Variants in FBLN2 observed in about 807,000 individuals in gnomAD.
FBLN2 encodes the protein fibulin-2.
Under a neutral mutation model 123.7 loss-of-function variants are expected in FBLN2, and 81 were observed. That is an observed-to-expected ratio of 0.65 (90% confidence interval 0.55 to 0.79). The LOEUF is 0.79. Ranked by LOEUF, FBLN2 falls within the 30% of genes least tolerant of loss-of-function variation. The pLI is 0.00. For synonymous variants in FBLN2, 699 were observed against 701.4 expected (o/e 1.00, Z 0.05); for missense variants, 1,603 against 1,681.3 (o/e 0.95, Z 0.81).
In FBLN2 at chr3:13,571,725, C is replaced by T. The variant is rs1012208987; in HGVS notation, c.1306+64C>T. 37 of 1,460,622 alleles carry T rather than the reference C, an allele frequency of 2.5e-5. No individual in the cohort carries two copies. In the African/African-American group the frequency reaches 3.4e-4, roughly 14 times the overall value. The allele number at this position is 1,460,622 out of a possible 1,614,324, so 90.5% of individuals were successfully genotyped here. A position where few individuals can be genotyped will look rare whatever the true frequency, so the allele number is the denominator to read the frequency against. On this transcript the variant is annotated intron_variant, in intron 2 of 17. Transcript: ENST00000404922. ...GGGAAGGGCAGCCTTGGGCTCTGGC[C>T]GCTGCCCCAGGTCTCTGCCTGGGGC...
chr3:13,559,974 G>T (rs1703563076), intron 1 of FBLN2, among the ~76,000 whole-genome samples: 1 of 152,206 alleles, frequency 6.6e-6, no homozygotes, highest in Admixed American at 6.5e-5. Context: ...GGTGATCTCA[G>T]CCTTGGCCGT....
At chr3:13,629,359 A>T in intron 13 of FBLN2, 67 bp downstream of exon 13, 1 of 1,501,680 alleles carries the variant, frequency 6.7e-7, no homozygotes, top group South Asian at 1.3e-5. Flanking sequence ...TGTGCACTCC[A>T]CCTCCCCATG....
rs371059687 is a variant in FBLN2, at chr3:13,571,067, C to T, written c.712C>T (p.Pro238Ser). The part of the protein sequence containing the change: ...PPAALGGGSQ[P>S]LSTIQAPPWP... ...AGCTGCTCTGGGAGGTGGGAGTCAG[C>T]CACTGTCCACCATCCAGGCACCCCC... The change falls in exon 2 of 18, where the codon CCA becomes TCA. Residue 238 changes from proline to serine, a missense_variant. Pro to Ser is a moderately conservative substitution (Grantham distance 74). Transcript: ENST00000404922. 21 of 1,556,182 alleles carry T rather than the reference C, an allele frequency of 1.3e-5. No individual in the cohort carries two copies. The highest frequency in any genetic ancestry group is 1.8e-5 in the Non-Finnish European group (21 of 1,150,610).
chr3:13,609,753 T>C (rs1366378618), intron 4 of FBLN2, 111 bp downstream of exon 4: 1 of 1,301,788 alleles, frequency 7.7e-7, no homozygotes, highest in Non-Finnish European at 1.1e-6. Flanking sequence ...TTGGGGCTCC[T>C]CCTGGGAGTG....
chr3:13,580,600 G>T (rs1216307300), intron 2 of FBLN2, among the ~76,000 whole-genome samples: 1 of 152,178 alleles, frequency 6.6e-6, no homozygotes, highest in Non-Finnish European at 1.5e-5. Context: ...AGCCTCTCCT[G>T]GTGGTTTTAG....
chr3:13,615,748 C>T (rs73150605), intron 5 of FBLN2, among the ~76,000 whole-genome samples: 6,196 of 152,284 alleles, frequency 0.041, 422 homozygotes, highest in African/African-American at 0.14. Context: ...CAGAGAAGGG[C>T]AGGATCTTGC....
At chr3:13,625,773 G>A (rs761457462) in intron 9 of FBLN2, among the ~76,000 whole-genome samples, 2 of 149,940 alleles carry the variant, frequency 1.3e-5, no homozygotes, top group Admixed American at 6.6e-5. Context: ...GCCCCTGCCA[G>A]GGATCCTTGC....
chr3:13,570,274 G>A, intron 1 of FBLN2, 41 bp from the exon 2 acceptor site: 1 of 1,445,038 alleles, frequency 6.9e-7, no homozygotes, highest in Non-Finnish European at 9.1e-7. Context: ...GTCTGTGTGT[G>A]CACACCCAGT....
rs370883186 is a variant in FBLN2, at chr3:13,614,016, C to T, written c.1581C>T (p.Arg527=). Residue 527 remains arginine (R), a synonymous_variant, in exon 5 of 18, where the codon CGC becomes CGT. Coordinates refer to ENST00000404922, the MANE Select transcript of FBLN2 (RefSeq NM_001004019.2). ...QCCDCCGLGL[R]VRAEGQSCES... is the part of the protein sequence containing the mutation. ...GTGACTGCTGTGGCCTGGGCCTCCG[C>T]GTGCGGGCCGAGGGCCAGTCGTGTG... The T allele has an allele frequency of 1.5e-4, 235 of 1,613,176 alleles. No individual in the cohort carries two copies. Among genetic ancestry groups the T allele is most frequent in the Middle Eastern group, 6.6e-4 (4 of 6,060 alleles).
chr3:13,629,828 G>A lies in FBLN2; in HGVS notation c.2851G>A (p.Glu951Lys). 6.4e-7 allele frequency: 1 copy of A among 1,573,684 alleles called. No homozygotes were observed. Among genetic ancestry groups the A allele is most frequent in the African/African-American group, 1.4e-5 (1 of 73,944 alleles). ...AFGRGCIDVN[E>K]CWASPGRLCQ... Reference sequence around the variant, plus strand: ...TGCCTGCCCTCCCACAGACGTGAATGAGTGCTGGGCCTCGCCAGGCCGCCT... The same window carrying A: ...TGCCTGCCCTCCCACAGACGTGAATAAGTGCTGGGCCTCGCCAGGCCGCCT... The change falls in exon 14 of 18, where the codon GAG (glutamate) becomes AAG (lysine). Residue 951 changes from glutamate (E) to lysine (K), a missense_variant. Physicochemically the swap from Glu to Lys is moderately conservative, Grantham distance 56 (BLOSUM62 1). Coordinates refer to ENST00000404922, the MANE Select transcript of FBLN2 (RefSeq NM_001004019.2).
rs1575004485 is a variant in FBLN2 at position 13,634,786 on chromosome 3, CTGAGG to C, written c.3215-1658_3215-1654del. Among the ~76,000 whole-genome samples the C allele has an allele frequency of 2.6e-5, 4 of 152,354 alleles. No individual in the cohort carries two copies. In the East Asian group the frequency reaches 7.7e-4, roughly 29 times the overall value. Reference sequence around the variant, plus strand: ...AGCCTGGCAGCCAAGAGCCCAGAGTCTGAGGCGGTCCGGGGGTATTGAGTCCTGGC... The same window carrying C: ...AGCCTGGCAGCCAAGAGCCCAGAGTCCGGTCCGGGGGTATTGAGTCCTGGC... On this transcript the variant is annotated intron_variant, in intron 16 of 17. Transcript: ENST00000404922.
chr3:13,637,997 G>T lies in FBLN2; in HGVS notation c.*78G>T. The T allele has an allele frequency of 7.7e-7, 1 of 1,299,666 alleles. No individual in the cohort carries two copies. The highest frequency in any genetic ancestry group is 1.1e-6 in the Non-Finnish European group (1 of 936,294). The allele number at this position is 1,299,666 out of a possible 1,614,324, so 80.5% of individuals were successfully genotyped here. Reference sequence around the variant, plus strand: ...GTGGGAGGGACTGGGTCACTATTGTGGTTTTTACTATAACTTTGTAAATTA... The same window carrying T: ...GTGGGAGGGACTGGGTCACTATTGTTGTTTTTACTATAACTTTGTAAATTA... On this transcript the variant is annotated 3_prime_UTR_variant, in exon 18 of 18. Transcript: ENST00000404922.
chr3:13,605,709 C>T (rs1705180884), intron 2 of FBLN2, among the ~76,000 whole-genome samples: 1 of 152,178 alleles, frequency 6.6e-6, no homozygotes, highest in African/African-American at 2.4e-5. Flanking sequence ...TTCCCTGGCA[C>T]AGACACCAGG....
chr3:13,589,357 G>A (rs1234169843), intron 2 of FBLN2, among the ~76,000 whole-genome samples: 1 of 152,170 alleles, frequency 6.6e-6, no homozygotes, highest in Non-Finnish European at 1.5e-5. Context: ...AGGAGCAGCT[G>A]GAAGTCAAAT....
intron 2 of FBLN2, among the ~76,000 whole-genome samples, chr3:13,583,262 C>T (rs1178866686): frequency 6.6e-6 from 1 of 152,266 alleles, no homozygotes; most frequent in Non-Finnish European, 1.5e-5. Context: ...CTGTGTTAAT[C>T]ACTGGACGCG....
chr3:13,611,036 AG>A (rs1705376216), intron 4 of FBLN2, among the ~76,000 whole-genome samples: 1 of 152,036 alleles, frequency 6.6e-6, no homozygotes, highest in African/African-American at 2.4e-5. Flanking sequence ...CCTCCCGAGT[AG>A]CTGGGATTAC....
In FBLN2 at chr3:13,631,419, A is replaced by G. The variant is rs1374049508; in HGVS notation, c.3176A>G (p.Gln1059Arg). Residue 1059 changes from glutamine to arginine, a missense_variant, in exon 16 of 18, where the codon CAG becomes CGG. Gln to Arg is a conservative substitution (Grantham distance 43). Coordinates refer to ENST00000404922, the MANE Select transcript of FBLN2 (RefSeq NM_001004019.2). ...PGSYQCACPE[Q>R]GYTMTANGRS... is the part of the protein sequence containing the mutation. ...AGCTACCAGTGTGCATGCCCTGAGCAGGGCTACACCATGACGGCCAACGGG... is the reference window on the plus strand; with the variant it reads ...AGCTACCAGTGTGCATGCCCTGAGCGGGGCTACACCATGACGGCCAACGGG... 6.2e-7 allele frequency: 1 copy of G among 1,600,270 alleles called. No homozygotes were observed. The highest frequency in any genetic ancestry group is 8.5e-7 in the Non-Finnish European group (1 of 1,173,726).
At chr3:13,568,832 C>T (rs1703828700) in intron 1 of FBLN2, 1 of 985,664 alleles carries the variant, frequency 1.0e-6, no homozygotes, top group Non-Finnish European at 1.2e-6. Flanking sequence ...TGCCCCTCCA[C>T]CCCTGAGGGT....
intron 9 of FBLN2, among the ~76,000 whole-genome samples, chr3:13,625,129 G>C (rs977573468): frequency 2.1e-5 from 3 of 141,940 alleles, no homozygotes; most frequent in Non-Finnish European, 4.5e-5. Context: ...TCTGTGGCCC[G>C]GGGGTGGTTT....
Sources: allele counts gnomAD v4.1 joint callset (sites outside exome capture counted in the v4.1 genomes callset), GRCh38; gene constraint gnomAD v4.1.1; transcripts MANE v1.5; gene names NCBI Gene and HGNC (gene_info 2026-07-23, HGNC 2026-07-21).